BOLL: variants seen among roughly 807,000 people sequenced by gnomAD.
BOLL encodes protein boule-like.
BOLL carries 23 observed loss-of-function variants against 44.4 expected under a neutral mutation model. That is an observed-to-expected ratio of 0.52 (90% confidence interval 0.37 to 0.73). The LOEUF (loss-of-function observed/expected upper bound fraction) is 0.73. Among genes scored for constraint, BOLL ranks in the 30% least tolerant of loss-of-function variants. The pLI is 0.00. For synonymous variants in BOLL, 97 were observed against 110.8 expected, an observed-to-expected ratio of 0.88 and a Z score of 0.78; for missense variants, 287 against 338.3, an observed-to-expected ratio of 0.85 and a Z score of 1.19.
chr2:197,767,331 T>C (rs1052365735), intron 6 of BOLL, among the ~76,000 whole-genome samples: 29 of 151,986 alleles, frequency 1.9e-4, no homozygotes, highest in Non-Finnish European at 4.3e-4. Context: ...CTAACTTATA[T>C]TGTTTTGTTT....
At position 197,781,771 on chromosome 2, in the gene BOLL, T is replaced by C; in HGVS notation, c.80A>G (p.Tyr27Cys). Residue 27 changes from tyrosine to cysteine, a missense_variant, in exon 2 of 11, where the codon TAT becomes TGT. Transcript: ENST00000392296. ...PLNNPTSAPR[Y>C]GTVIPNRIFV... is the part of the protein sequence containing the mutation. The stretch of plus-strand genomic sequence containing the variant: ...GATGCGATTAGGGATCACTGTTCCA[T>C]ATCTTGGGGCACTTGTTGGGTTATT... The C allele has an allele frequency of 6.2e-7, 1 of 1,605,942 alleles. No individual in the cohort carries two copies. The highest frequency in any genetic ancestry group is 8.5e-7 in the Non-Finnish European group (1 of 1,174,428).
At chr2:197,734,474 A>C (rs1168498710) in intron 10 of BOLL, among the ~76,000 whole-genome samples, 1 of 152,206 alleles carries the variant, frequency 6.6e-6, no homozygotes, top group African/African-American at 2.4e-5. Flanking sequence ...TATATACCCA[A>C]AGGGTTATAA....
intron 10 of BOLL, among the ~76,000 whole-genome samples, chr2:197,737,238 G>A (rs1319680011): frequency 2.0e-5 from 3 of 151,948 alleles, no homozygotes; most frequent in East Asian, 1.9e-4. Context: ...TCAATGTAGT[G>A]CCATATTCAA....
intron 7 of BOLL, 70 bp from the exon 8 acceptor site, chr2:197,757,470 G>A (rs1439277974): frequency 5.9e-5 from 82 of 1,380,710 alleles, no homozygotes; most frequent in East Asian, 3.0e-4. Context: ...GATATCTACA[G>A]GCAAAAATAT....
intron 9 of BOLL, among the ~76,000 whole-genome samples, chr2:197,748,741 G>C (rs1688099980): frequency 6.6e-6 from 1 of 152,346 alleles, no homozygotes; most frequent in African/African-American, 2.4e-5. Context: ...CCAGTCAGGG[G>C]CTTATAGATA....
intron 9 of BOLL, among the ~76,000 whole-genome samples, chr2:197,746,634 G>A (rs1324310676): frequency 1.3e-5 from 2 of 152,148 alleles, no homozygotes; most frequent in Admixed American, 6.6e-5. Flanking sequence ...AGGTGCGGTG[G>A]CTTATGCCTG....
intron 10 of BOLL, among the ~76,000 whole-genome samples, chr2:197,738,575 C>A (rs561237000): frequency 6.6e-6 from 1 of 152,186 alleles, no homozygotes; most frequent in Non-Finnish European, 1.5e-5. Flanking sequence ...AGCAGTTAGA[C>A]TTGTGCTTCA....
chr2:197,785,297 C>A lies in BOLL; in HGVS notation c.-257G>T, dbSNP rs530377653. 7.1e-6 allele frequency: 7 copies of A among 985,704 alleles called. No individual in the cohort carries two copies. In the Admixed American group the frequency reaches 1.8e-4, roughly 26 times the overall value. The allele number at this position is 985,704 out of a possible 1,614,324, so 61.1% of individuals were successfully genotyped here. On this transcript the variant is annotated 5_prime_UTR_variant, in exon 1 of 11. Transcript: ENST00000392296. This position sits in a 1 kb window ranked among gnomAD's most constrained non-coding sequence, Gnocchi z 6.7. ...CGGGAAGCCTCAACGGCAGCGACCCCGCCGCTGGCCTCGTGCGCAGCTGGT... is the reference window on the plus strand; with the variant it reads ...CGGGAAGCCTCAACGGCAGCGACCCAGCCGCTGGCCTCGTGCGCAGCTGGT...
At chr2:197,769,242 G>A (rs1369057109) in intron 6 of BOLL, among the ~76,000 whole-genome samples, 1 of 152,068 alleles carries the variant, frequency 6.6e-6, no homozygotes, top group Non-Finnish European at 1.5e-5. Flanking sequence ...AATGGTACCA[G>A]CTCCTCTTTG....
At chr2:197,762,391 C>G (rs1448591962) in intron 7 of BOLL, among the ~76,000 whole-genome samples, 1 of 151,938 alleles carries the variant, frequency 6.6e-6, no homozygotes, top group Non-Finnish European at 1.5e-5. Context: ...TTAAACTGCA[C>G]CATAGGCCAA....
chr2:197,754,252 T>C (rs1688397182), intron 9 of BOLL, among the ~76,000 whole-genome samples: 1 of 152,058 alleles, frequency 6.6e-6, no homozygotes, highest in Non-Finnish European at 1.5e-5. Flanking sequence ...AACCTGCACG[T>C]TCTGCATATG....
At chr2:197,751,841 A>AC (rs900528445) in intron 9 of BOLL, among the ~76,000 whole-genome samples, 1 of 151,470 alleles carries the variant, frequency 6.6e-6, no homozygotes, top group Non-Finnish European at 1.5e-5. Context: ...AAACCAACAA[A>AC]AAAAAAAAAA....
intron 7 of BOLL, among the ~76,000 whole-genome samples, chr2:197,762,214 T>C (rs533654125): frequency 6.6e-6 from 1 of 152,168 alleles, no homozygotes; most frequent in African/African-American, 2.4e-5. Context: ...CGTGGTGGCA[T>C]GCAACTGTAA....
In BOLL at chr2:197,728,568, C is replaced by G. The variant is rs1268108782; in HGVS notation, c.839G>C (p.Ser280Thr). 1.9e-6 allele frequency: 3 copies of G among 1,608,380 alleles called. No individual in the cohort carries two copies. The East Asian group carries it at 6.7e-5, about 36-fold the overall frequency. ...MQPEPIKTVW[S>T]IHY ...TGCCCAATTGTCTTAATAATGAATG[C>G]TCCACACTGTCTGTTAAGTAAAGAG... Residue 280 changes from serine (S) to threonine (T), a missense_variant, in exon 11 of 11, where the codon AGC becomes ACC. Transcript: ENST00000392296.
chr2:197,753,045 A>C (rs1027220000), intron 9 of BOLL, among the ~76,000 whole-genome samples: 2 of 152,158 alleles, frequency 1.3e-5, no homozygotes, highest in African/African-American at 2.4e-5. Flanking sequence ...CTAAAACAAG[A>C]AATGGGGAAA....
intron 9 of BOLL, 49 bp downstream of exon 9, chr2:197,756,379 T>A (rs1480167839): frequency 7.0e-7 from 1 of 1,435,842 alleles, no homozygotes; most frequent in Non-Finnish European, 9.3e-7. Context: ...AAGAAATAAA[T>A]GTTAACATGA....
chr2:197,767,914 A>G (rs1475755305), intron 6 of BOLL, among the ~76,000 whole-genome samples: 1 of 152,010 alleles, frequency 6.6e-6, no homozygotes, highest in Non-Finnish European at 1.5e-5. Flanking sequence ...GAACAAGGTC[A>G]TGATGTTTTC....
intron 7 of BOLL, among the ~76,000 whole-genome samples, chr2:197,762,683 G>A (rs1466862306): frequency 6.6e-6 from 1 of 152,144 alleles, no homozygotes; most frequent in Admixed American, 6.5e-5. Flanking sequence ...AATTAAGAAT[G>A]AAAATAGAAA....
rs1166838016 is a variant in BOLL at position 197,727,586 on chromosome 2, G to A, written c.*969C>T. 1 of 152,218 alleles carries A rather than the reference G, an allele frequency of 6.6e-6. No homozygotes were observed. The highest frequency in any genetic ancestry group is 1.5e-5 in the Non-Finnish European group (1 of 67,998). The allele number at this position is 152,218 out of a possible 1,614,324, so 9.4% of individuals were successfully genotyped here. A position where few individuals can be genotyped will look rare whatever the true frequency, so the allele number is the denominator to read the frequency against. On this transcript the variant is annotated 3_prime_UTR_variant, in exon 11 of 11. Coordinates refer to ENST00000392296, the MANE Select transcript of BOLL (RefSeq NM_033030.6). Reference sequence around the variant, plus strand: ...AAATTTTCCTTTGGTGTAAAAAATAGTTTTGCATTTTATGAAAACAATTGT... The same window carrying A: ...AAATTTTCCTTTGGTGTAAAAAATAATTTTGCATTTTATGAAAACAATTGT...
Sources: gnomAD v4.1 joint callset for allele counts (sites outside exome capture counted in the v4.1 genomes callset) on GRCh38, gnomAD v4.1.1 for gene constraint, Gnocchi (gnomAD v3.1) non-coding constraint, MANE v1.5 for transcripts, NCBI Gene and HGNC (gene_info 2026-07-23, HGNC 2026-07-21) for gene names.